The following SGO1 variants were observed in gnomAD, a reference collection of about 807,000 sequenced individuals.
SGO1 encodes the protein serologically defined breast cancer antigen NY-BR-85.
Under a neutral mutation model 50.5 loss-of-function variants are expected in SGO1, and 39 were observed. That is an observed-to-expected ratio of 0.77 (90% CI 0.60 to 1.01). The LOEUF (loss-of-function observed/expected upper bound fraction) is 1.01, where lower values mean the gene tolerates loss of function less well. Ranked by LOEUF, SGO1 falls within the 50% of genes least tolerant of loss-of-function variation. The probability of loss-of-function intolerance (pLI) is 0.00; values close to 1 mark genes in which losing one functional copy is unlikely to be tolerated. For missense variants in SGO1, 638 were observed against 606.0 expected, an observed-to-expected ratio of 1.05 and a Z score of -0.55; for synonymous variants, 191 against 205.1, an observed-to-expected ratio of 0.93 and a Z score of 0.59.
chr3:20,176,110 G>T (rs1486029294), intron 5 of SGO1, among the ~76,000 whole-genome samples: 1 of 152,146 alleles, frequency 6.6e-6, no homozygotes, highest in East Asian at 1.9e-4. Flanking sequence ...TCAATGCTTG[G>T]TTCAAGTGGA....
chr3:20,162,926 G>GA (rs1700114324), intron 8 of SGO1, among the ~76,000 whole-genome samples: 2 of 151,714 alleles, frequency 1.3e-5, no homozygotes, highest in Admixed American at 6.6e-5. Context: ...ACTCACAAGA[G>GA]AAATCAGAAA....
rs1353260835 is a variant in SGO1 at position 20,169,493 on chromosome 3, C to T, written c.*1211G>A. On this transcript the variant is annotated 3_prime_UTR_variant, in exon 8 of 8. Transcript: ENST00000412997. ...GAAGGAAAGCAATCACTATCTTATA[C>T]AAACTTTATTGCTCTTTAAAAATGA... 3.1e-6 allele frequency: 3 copies of T among 979,732 alleles called. No individual in the cohort carries two copies. Among genetic ancestry groups the T allele is most frequent in the African/African-American group, 1.8e-5 (1 of 57,088 alleles). The allele number at this position is 979,732 out of a possible 1,614,324, so 60.7% of individuals were successfully genotyped here.
At chr3:20,181,540 G>T (rs369799121) in intron 3 of SGO1, among the ~76,000 whole-genome samples, 1 of 152,192 alleles carries the variant, frequency 6.6e-6, no homozygotes, top group African/African-American at 2.4e-5. Context: ...ATATATTTGC[G>T]TAGCAACTAA....
Position 20,170,754 on chromosome 3 carries a change from G to C in SGO1, c.1534C>G (p.Gln512Glu), listed in dbSNP as rs1700634113. 6.3e-7 allele frequency: 1 copy of C among 1,592,044 alleles called. No homozygotes were observed. Reference protein sequence around the residue: ...LCFLNSPIFKQKKDLRRSKKS... With the variant: ...LCFLNSPIFKEKKDLRRSKKS... ...TTAGAACGTCTCAAATCCTTTTTCT[G>C]CTTGAAAATAGGAGAATTCAAAAAA... The change falls in exon 8 of 8, where the codon CAG (glutamine) becomes GAG (glutamate). Residue 512 changes from glutamine (Q) to glutamate (E), a missense_variant. Transcript: ENST00000412997.
rs1700512494 is a variant in SGO1, at chr3:20,169,559, G to A, written c.*1145C>T. On this transcript the variant is annotated 3_prime_UTR_variant, in exon 8 of 8. Coordinates refer to ENST00000412997, the MANE Select transcript of SGO1 (RefSeq NM_001199251.3). ...CTAAAATTTAAAGAGGTATATACAA[G>A]TATAGACATCAAACTTTCTAAACTG... 7 of 984,832 alleles carry A rather than the reference G, an allele frequency of 7.1e-6. No homozygotes were observed. The highest frequency in any genetic ancestry group is 8.4e-6 in the Non-Finnish European group (7 of 829,492). The allele number at this position is 984,832 out of a possible 1,614,324, so 61.0% of individuals were successfully genotyped here.
In SGO1 at chr3:20,176,622, C is replaced by T. The variant is rs1185111485; in HGVS notation, c.454G>A (p.Gly152Arg). The change falls in exon 5 of 8, where the codon GGA becomes AGA. Residue 152 changes from glycine to arginine, a missense_variant. By Grantham distance (125) the Gly-to-Arg change is moderately radical. Transcript: ENST00000412997. ...TTACCTTCTATTTGAAATGATTCTCCTTGTCCTGGAAGTTCAGTTTCTTCA... is the reference window on the plus strand; with the variant it reads ...TTACCTTCTATTTGAAATGATTCTCTTTGTCCTGGAAGTTCAGTTTCTTCA... ...PLEETELPGQ[G>R]ESFQIEDQIP... 1.9e-6 allele frequency: 3 copies of T among 1,563,018 alleles called. No homozygotes were observed. Among genetic ancestry groups the T allele is most frequent in the East Asian group, 2.4e-5 (1 of 42,418 alleles).
chr3:20,166,939 T>G (rs549489710), downstream of SGO1, among the ~76,000 whole-genome samples: 99 of 151,162 alleles, frequency 6.5e-4, no homozygotes, highest in African/African-American at 2.3e-3. Context: ...CCCAGGAGTT[T>G]GAGGCTACAG....
At position 20,176,649 on chromosome 3, in the gene SGO1, G is replaced by C; in HGVS notation, c.427C>G (p.Leu143Val). 6.4e-7 allele frequency: 1 copy of C among 1,570,860 alleles called. No homozygotes were observed. The highest frequency in any genetic ancestry group is 8.6e-7 in the Non-Finnish European group (1 of 1,163,542). ...LFVKDLPQIP[L>V]EETELPGQGE... ...TGTCCTGGAAGTTCAGTTTCTTCAA[G>C]AGGAATTTGCCTTAGAAAATACCAA... is the stretch of plus-strand genomic sequence containing the variant. Residue 143 changes from leucine (L) to valine (V), a missense_variant, in exon 5 of 8, where the codon CTT (leucine) becomes GTT (valine). Physicochemically the swap from Leu to Val is conservative, Grantham distance 32. Coordinates refer to ENST00000412997, the MANE Select transcript of SGO1 (RefSeq NM_001199251.3).
chr3:20,166,584 G>T (rs1011261176), downstream of SGO1, among the ~76,000 whole-genome samples: 4 of 152,054 alleles, frequency 2.6e-5, no homozygotes, highest in African/African-American at 9.7e-5. Flanking sequence ...GGAGAGAGGG[G>T]AGAAGAGAGA....
rs6806241 is a variant in SGO1 at position 20,175,019 on chromosome 3, A to G, written c.512T>C (p.Val171Ala). Residue 171 changes from valine to alanine, a missense_variant, in exon 6 of 8, where the codon GTT (valine) becomes GCT (alanine). Physicochemically the swap from Val to Ala is moderately conservative, Grantham distance 64. Coordinates refer to ENST00000412997, the MANE Select transcript of SGO1 (RefSeq NM_001199251.3). ...CTTAGCTTCACCTGAATCAAAATCA[A>G]CTCCCAGTGTGTCTTGAGGAATAGT... ...IPTIPQDTLG[V>A]DFDSGEAKST... 1.5e-3 allele frequency: 2,425 copies of G among 1,585,702 alleles called. 32 individuals carry two copies. The African/African-American group carries it at 0.029, about 19-fold the overall frequency.
At chr3:20,176,769 G>C in intron 4 of SGO1, 110 bp from the exon 5 acceptor site, 1 of 693,046 alleles carries the variant, frequency 1.4e-6, no homozygotes, top group East Asian at 3.0e-5. Flanking sequence ...TTCATAATTC[G>C]ATTTCAAATC....
chr3:20,185,078 G>C (rs1346545567), intron 1 of SGO1, among the ~76,000 whole-genome samples: 2 of 152,150 alleles, frequency 1.3e-5, no homozygotes, highest in Non-Finnish European at 2.9e-5. Flanking sequence ...TCTATGCAGT[G>C]TCTGGAATCT....
rs1235783016 is a variant in SGO1, at chr3:20,171,126, T to C, written c.1389A>G (p.Lys463=). ...CCACTGCTGGGCTTGCTTTATTCTT[T>C]TTTGGAGAAAGAGAAAGTCTTCTGA... ...VKIRRLSLSP[K]KNKASPAVAL... Residue 463 remains lysine (K), a synonymous_variant, in exon 7 of 8, where the codon AAA becomes AAG. Transcript: ENST00000412997. 2 of 1,613,618 alleles carry C rather than the reference T, an allele frequency of 1.2e-6. No homozygotes were observed. Among genetic ancestry groups the C allele is most frequent in the South Asian group, 1.1e-5 (1 of 91,022 alleles).
intron 5 of SGO1, 59 bp from the exon 6 acceptor site, chr3:20,175,114 A>T: frequency 1.5e-6 from 2 of 1,363,262 alleles, no homozygotes; most frequent in East Asian, 5.2e-5. Flanking sequence ...TTTGAATTTC[A>T]AGAACTTTAG....
At chr3:20,177,468 T>C (rs533404578) in intron 4 of SGO1, among the ~76,000 whole-genome samples, 1 of 152,324 alleles carries the variant, frequency 6.6e-6, no homozygotes, top group Admixed American at 6.5e-5. Context: ...TCTATGGCAG[T>C]AGTTCTCATC....
At position 20,172,792 on chromosome 3, in the gene SGO1, T is replaced by TAAAA. The variant is rs60411282; in HGVS notation, c.1282+1453_1282+1456dup. Reference sequence around the variant, plus strand: ...AGTGAGACCTCATCTTCACAAAAAGTAAAAAAAAAAAAAAAAAAAAAAAAT... The same window carrying TAAAA: ...AGTGAGACCTCATCTTCACAAAAAGTAAAAAAAAAAAAAAAAAAAAAAAAAAAAT... On this transcript the variant is annotated intron_variant, in intron 6 of 7. Transcript: ENST00000412997. Among the ~76,000 whole-genome samples the TAAAA allele has an allele frequency of 1.0e-3, 99 of 98,902 alleles. 2 individuals carry two copies. Among genetic ancestry groups the TAAAA allele is most frequent in the South Asian group, 8.6e-3 (25 of 2,898 alleles). The allele number at this position is 98,902 out of a possible 152,430, so 64.9% of individuals were successfully genotyped here. A position where few individuals can be genotyped will look rare whatever the true frequency, so the allele number is the denominator to read the frequency against.
At chr3:20,162,273 A>C (rs1700078043) in intron 8 of SGO1, among the ~76,000 whole-genome samples, 1 of 152,236 alleles carries the variant, frequency 6.6e-6, no homozygotes, top group South Asian at 2.1e-4. Flanking sequence ...AACAACACTC[A>C]AAAGTAATAC....
intron 8 of SGO1, among the ~76,000 whole-genome samples, chr3:20,162,820 C>T (rs979626972): frequency 2.5e-4 from 38 of 149,940 alleles, no homozygotes; most frequent in African/African-American, 9.3e-4. Flanking sequence ...AATACAATAT[C>T]ATGACAGAAA....
At chr3:20,178,386 G>A in intron 3 of SGO1, 39 bp from the exon 4 acceptor site, 2 of 1,392,726 alleles carry the variant, frequency 1.4e-6, no homozygotes, top group Non-Finnish European at 2.0e-6. Flanking sequence ...TATAACTGAA[G>A]TATTCACAAG....
Sources: gnomAD v4.1 joint callset for allele counts (sites outside exome capture counted in the v4.1 genomes callset) on GRCh38, gnomAD v4.1.1 for gene constraint, MANE v1.5 for transcripts, NCBI Gene and HGNC (gene_info 2026-07-23, HGNC 2026-07-21) for gene names.